Variants in CNTN1 observed in about 807,000 individuals in gnomAD.
CNTN1 encodes the protein contactin-1.
Under a neutral mutation model 126.4 loss-of-function variants are expected in CNTN1, and 38 were observed. The ratio of observed to expected loss-of-function variants is 0.30; its 90% CI spans 0.23 to 0.39. The LOEUF (loss-of-function observed/expected upper bound fraction) is 0.39, where lower values mean the gene tolerates loss of function less well. Among genes scored for constraint, CNTN1 ranks in the 10% least tolerant of loss-of-function variants. The probability of loss-of-function intolerance (pLI) is 1.00; values close to 1 mark genes in which losing one functional copy is unlikely to be tolerated. For missense variants in CNTN1, 1,009 were observed against 1,248.4 expected (o/e 0.81, Z 2.89); for synonymous variants, 413 against 422.6 (o/e 0.98, Z 0.28).
chr12:40,861,086 A>G (rs1314731374), intron 1 of CNTN1, among the ~76,000 whole-genome samples: 1 of 152,178 alleles, frequency 6.6e-6, no homozygotes, highest in Non-Finnish European at 1.5e-5. Context: ...ATCACTGTAC[A>G]ACATAATTTA....
At chr12:40,760,603 C>G (rs185720704) in intron 1 of CNTN1, among the ~76,000 whole-genome samples, 183 of 152,024 alleles carry the variant, frequency 1.2e-3, no homozygotes, top group African/African-American at 4.4e-3. Context: ...ACATTTGGAT[C>G]TATTTATTTC....
intron 1 of CNTN1, chr12:40,895,898 C>T (rs796806332): frequency 9.2e-5 from 14 of 151,522 alleles, no homozygotes; most frequent in African/African-American, 2.7e-4. Context: ...GCTGGGACTA[C>T]AGGCGGCTGC....
intron 1 of CNTN1, among the ~76,000 whole-genome samples, chr12:40,809,382 T>C (rs1362594127): frequency 1.3e-5 from 2 of 152,170 alleles, no homozygotes; most frequent in Admixed American, 6.5e-5. Flanking sequence ...AATATCCTTC[T>C]CTGGGGGTTA....
intron 23 of CNTN1, among the ~76,000 whole-genome samples, chr12:41,055,383 A>G (rs1023686197): frequency 2.0e-5 from 3 of 151,950 alleles, no homozygotes. Flanking sequence ...CCATTCATAT[A>G]TTTTGCCCCA....
intron 1 of CNTN1, among the ~76,000 whole-genome samples, chr12:40,893,611 A>T (rs1354187282): frequency 1.3e-5 from 2 of 152,158 alleles, no homozygotes; most frequent in Non-Finnish European, 2.9e-5. Context: ...CCCAATAGAT[A>T]CAGCTCTTAC....
At chr12:40,855,838 A>T (rs1942888079) in intron 1 of CNTN1, among the ~76,000 whole-genome samples, 1 of 152,126 alleles carries the variant, frequency 6.6e-6, no homozygotes, top group Non-Finnish European at 1.5e-5. Flanking sequence ...TTTGAATTTG[A>T]TCTATTGTCA....
chr12:40,879,218 C>T (rs1365817017), intron 1 of CNTN1, among the ~76,000 whole-genome samples: 2 of 152,112 alleles, frequency 1.3e-5, no homozygotes, highest in Non-Finnish European at 2.9e-5. Flanking sequence ...AAACAGCACA[C>T]TTTACTGTTT....
intron 1 of CNTN1, among the ~76,000 whole-genome samples, chr12:40,758,769 A>G (rs1211889447): frequency 1.3e-5 from 2 of 152,190 alleles, no homozygotes; most frequent in East Asian, 3.9e-4. Context: ...AAAGTTCTCA[A>G]AAAACAAATC....
At chr12:41,061,819 C>A (rs1949944181) in intron 23 of CNTN1, 1 of 455,612 alleles carries the variant, frequency 2.2e-6, no homozygotes, top group African/African-American at 2.0e-5. Context: ...AGCATCAGAA[C>A]CATGTCTTGA....
At chr12:41,028,988 A>G in intron 22 of CNTN1, 75 bp from the exon 23 acceptor site, 1 of 1,391,144 alleles carries the variant, frequency 7.2e-7, no homozygotes, top group Non-Finnish European at 1.0e-6. Flanking sequence ...AAGCATTTTT[A>G]TTCTGGTTTT....
chr12:40,871,186 G>GAAAAAAAAAAAAAA (rs201485882), intron 1 of CNTN1, among the ~76,000 whole-genome samples: 1 of 113,552 alleles, frequency 8.8e-6, no homozygotes. Flanking sequence ...CTGTTACAGA[G>GAAAAAAAAAAAAAA]AAAAAAAAAA....
chr12:40,813,187 T>A (rs985111633), intron 1 of CNTN1, among the ~76,000 whole-genome samples: 8 of 147,862 alleles, frequency 5.4e-5, no homozygotes, highest in African/African-American at 2.0e-4. Flanking sequence ...GCTGTCTCCA[T>A]TTTTGACACA....
At chr12:40,956,808 C>T (rs1946901573) in intron 14 of CNTN1, among the ~76,000 whole-genome samples, 1 of 151,876 alleles carries the variant, frequency 6.6e-6, no homozygotes, top group African/African-American at 2.4e-5. Context: ...GTGAGTTGGG[C>T]CCAGCTGCAT....
chr12:40,968,799 A>G (rs1947394873), intron 15 of CNTN1, among the ~76,000 whole-genome samples: 2 of 152,194 alleles, frequency 1.3e-5, no homozygotes, highest in South Asian at 4.1e-4. Context: ...CTAGTGTTCC[A>G]AATTCAACTA....
At chr12:40,975,733 G>T (rs1489637676) in intron 15 of CNTN1, among the ~76,000 whole-genome samples, 1 of 152,038 alleles carries the variant, frequency 6.6e-6, no homozygotes, top group Non-Finnish European at 1.5e-5. Flanking sequence ...GTACAGAAAG[G>T]TAGCCCAAAG....
chr12:40,971,001 C>A (rs1947490585), intron 15 of CNTN1, among the ~76,000 whole-genome samples: 1 of 151,118 alleles, frequency 6.6e-6, no homozygotes, highest in South Asian at 2.1e-4. Context: ...TCTCACAAAA[C>A]AGCCTTAACC....
intron 16 of CNTN1, among the ~76,000 whole-genome samples, chr12:40,991,352 T>C (rs1273407911): frequency 6.6e-6 from 1 of 152,138 alleles, no homozygotes; most frequent in Non-Finnish European, 1.5e-5. Context: ...TACCCTAAGA[T>C]TCTTAACACT....
intron 1 of CNTN1, among the ~76,000 whole-genome samples, chr12:40,875,469 A>T (rs561686472): frequency 1.4e-4 from 22 of 152,120 alleles, no homozygotes; most frequent in African/African-American, 5.1e-4. Flanking sequence ...TAATTTTGTC[A>T]TTTCAGGAAT....
At chr12:41,031,157 C>T (rs1384932847) in intron 23 of CNTN1, among the ~76,000 whole-genome samples, 1 of 152,164 alleles carries the variant, frequency 6.6e-6, no homozygotes, top group African/African-American at 2.4e-5. Flanking sequence ...GATGATGTAG[C>T]AGTGATGGTA....
Sources: gnomAD v4.1 joint callset for allele counts (sites outside exome capture counted in the v4.1 genomes callset) on GRCh38, gnomAD v4.1.1 for gene constraint, MANE v1.5 for transcripts, NCBI Gene and HGNC (gene_info 2026-07-23, HGNC 2026-07-21) for gene names.